Variants in MTOR observed in about 807,000 individuals in gnomAD.
The protein encoded by MTOR is serine/threonine-protein kinase mTOR.
In MTOR, 70 loss-of-function variants were observed where a neutral mutation model predicts 319.8. The ratio of observed to expected loss-of-function variants is 0.22; its 90% confidence interval spans 0.18 to 0.27. The LOEUF is 0.27. Among genes scored for constraint, MTOR ranks in the 10% least tolerant of loss-of-function variants. The pLI is 1.00. For missense variants in MTOR, 1,890 were observed against 3,274.4 expected, an observed-to-expected ratio of 0.58 and a Z score of 10.32; for synonymous variants, 1,183 against 1,211.4, an observed-to-expected ratio of 0.98 and a Z score of 0.49.
chr1:11,224,831 T>C (rs1646778598), intron 19 of MTOR, among the ~76,000 whole-genome samples: 1 of 152,128 alleles, frequency 6.6e-6, no homozygotes, highest in African/African-American at 2.4e-5. Flanking sequence ...CACTGGAAAA[T>C]ATTTCTGGAC....
chr1:11,181,572 A>C (rs1214259186), intron 28 of MTOR, among the ~76,000 whole-genome samples: 1 of 152,122 alleles, frequency 6.6e-6, no homozygotes, highest in Non-Finnish European at 1.5e-5. Context: ...GGTTGAAACA[A>C]AGGATCTCAA....
intron 28 of MTOR, among the ~76,000 whole-genome samples, chr1:11,169,670 T>C (rs548037102): frequency 6.6e-6 from 1 of 152,390 alleles, no homozygotes. Flanking sequence ...AGCTGTGTGA[T>C]CATAAATAAG....
At chr1:11,229,536 T>TCATA (rs1468298874) in intron 18 of MTOR, among the ~76,000 whole-genome samples, 1 of 152,224 alleles carries the variant, frequency 6.6e-6, no homozygotes, top group African/African-American at 2.4e-5. Flanking sequence ...GCTCAGGCCC[T>TCATA]GCTCTCAACA....
At chr1:11,167,894 C>T (rs1217867383) in intron 28 of MTOR, among the ~76,000 whole-genome samples, 1 of 152,030 alleles carries the variant, frequency 6.6e-6, no homozygotes, top group Non-Finnish European at 1.5e-5. Flanking sequence ...AAGGTGAAAC[C>T]CTGTCTCTAC....
At chr1:11,165,416 G>A (rs1644611829) in intron 29 of MTOR, among the ~76,000 whole-genome samples, 2 of 152,258 alleles carry the variant, frequency 1.3e-5, no homozygotes, top group South Asian at 2.1e-4. Flanking sequence ...CAAAATCAAT[G>A]TGCAAAAATC....
At chr1:11,144,384 C>T in intron 34 of MTOR, 1 of 392,976 alleles carries the variant, frequency 2.5e-6, no homozygotes, top group Admixed American at 3.6e-5. Context: ...ACTGACTGGT[C>T]ACAGGTGTCA....
At chr1:11,200,453 A>G (rs1645924377) in intron 26 of MTOR, among the ~76,000 whole-genome samples, 1 of 152,238 alleles carries the variant, frequency 6.6e-6, no homozygotes, top group African/African-American at 2.4e-5. Context: ...ACATTACCAC[A>G]GTACCACATG....
intron 47 of MTOR, among the ~76,000 whole-genome samples, chr1:11,123,737 G>A (rs917464483): frequency 2.6e-5 from 4 of 152,100 alleles, no homozygotes; most frequent in African/African-American, 7.2e-5. Context: ...CCAAAGTGTC[G>A]GGATTACATG....
At chr1:11,126,403 G>A (rs1235141425) in intron 46 of MTOR, among the ~76,000 whole-genome samples, 4 of 152,100 alleles carry the variant, frequency 2.6e-5, no homozygotes, top group Non-Finnish European at 5.9e-5. Context: ...CTTTATGTGT[G>A]ATCATGCTTC....
intron 19 of MTOR, among the ~76,000 whole-genome samples, chr1:11,220,540 G>A (rs539563267): frequency 1.3e-5 from 2 of 152,320 alleles, no homozygotes; most frequent in South Asian, 4.1e-4. Flanking sequence ...TAATATGGAA[G>A]ACAGGGTGAT....
At chr1:11,214,904 C>T (rs1646421992) in intron 20 of MTOR, among the ~76,000 whole-genome samples, 1 of 152,306 alleles carries the variant, frequency 6.6e-6, no homozygotes, top group Middle Eastern at 3.4e-3. Flanking sequence ...CTCACAGGGG[C>T]TTCTCTACCT....
chr1:11,130,277 T>C (rs575404665), intron 39 of MTOR, among the ~76,000 whole-genome samples: 230 of 152,338 alleles, frequency 1.5e-3, no homozygotes, highest in Non-Finnish European at 2.6e-3. Flanking sequence ...ACGTAGAGAA[T>C]GAGCTCGTCC....
chr1:11,256,124 A>G lies in MTOR; in HGVS notation c.573T>C (p.Phe191=), dbSNP rs1308965407. 6.2e-7 allele frequency: 1 copy of G among 1,614,050 alleles called. No individual in the cohort carries two copies. The highest frequency in any genetic ancestry group is 8.5e-7 in the Non-Finnish European group (1 of 1,180,038). ...CCCACACGGCCACAAAAATGTTGTC[A>G]AAGAAGGGTTGCACTTGCTGGAAGA... ...TFFFQQVQPF[F]DNIFVAVWDP... Residue 191 remains phenylalanine (F), a synonymous_variant, in exon 5 of 58, where the codon TTT becomes TTC. Transcript: ENST00000361445.
At chr1:11,255,825 C>G (rs1442021738) in intron 5 of MTOR, among the ~76,000 whole-genome samples, 167 bp downstream of exon 5, 1 of 134,524 alleles carries the variant, frequency 7.4e-6, no homozygotes, top group Admixed American at 9.2e-5. Context: ...CCAGCCTGGG[C>G]GACAAAGCAA....
At chr1:11,146,549 A>G in intron 32 of MTOR, 127 bp downstream of exon 32, 1 of 705,128 alleles carries the variant, frequency 1.4e-6, no homozygotes, top group Non-Finnish European at 2.5e-6. Context: ...AAACCATTCA[A>G]ATGTACTCAC....
At chr1:11,217,618 A>G (rs1646515051) in intron 19 of MTOR, among the ~76,000 whole-genome samples, 2 of 146,244 alleles carry the variant, frequency 1.4e-5, no homozygotes, top group South Asian at 4.3e-4. Context: ...TCACCGTGTT[A>G]GCCAGGATGG....
chr1:11,113,986 C>T (rs1347729770), intron 53 of MTOR, among the ~76,000 whole-genome samples: 3 of 152,114 alleles, frequency 2.0e-5, no homozygotes, highest in Non-Finnish European at 4.4e-5. Context: ...GTACTTCTCT[C>T]TTCTGCCCCC....
Position 11,130,748 on chromosome 1 carries a change from G to C in MTOR, c.5394C>G (p.Phe1798Leu), listed in dbSNP as rs1421696742. The change falls in exon 39 of 58, where the codon TTC becomes TTG. Residue 1798 changes from phenylalanine (F) to leucine (L), a missense_variant. Transcript: ENST00000361445. ...GATGTTTGTAGTGTAGCACAGCTTC[G>C]AAGTTCATCACTGCCCACGCATGCC... Reference protein sequence around the residue: ...KAWHAWAVMNFEAVLHYKHQN... With the variant: ...KAWHAWAVMNLEAVLHYKHQN... 6.3e-7 allele frequency: 1 copy of C among 1,580,394 alleles called. No individual in the cohort carries two copies. The highest frequency in any genetic ancestry group is 2.3e-5 in the East Asian group (1 of 43,770).
At position 11,247,886 on chromosome 1, in the gene MTOR, C is replaced by T; in HGVS notation, c.1049G>A (p.Ser350Asn). 6.2e-7 allele frequency: 1 copy of T among 1,614,180 alleles called. No homozygotes were observed. Among genetic ancestry groups the T allele is most frequent in the Non-Finnish European group, 8.5e-7 (1 of 1,180,034 alleles). The change falls in exon 7 of 58, where the codon AGT becomes AAT. Residue 350 changes from serine (S) to asparagine (N), a missense_variant. Coordinates refer to ENST00000361445, the MANE Select transcript of MTOR (RefSeq NM_004958.4). Reference sequence around the variant, plus strand: ...CTCCACCAGGGTGGACTTAGCTGGACTGGGGGAGGTCCCAAATCCCATGAG... The same window carrying T: ...CTCCACCAGGGTGGACTTAGCTGGATTGGGGGAGGTCCCAAATCCCATGAG... ...QGLMGFGTSP[S>N]PAKSTLVESR...
Sources: allele counts gnomAD v4.1 joint callset (sites outside exome capture counted in the v4.1 genomes callset), GRCh38; gene constraint gnomAD v4.1.1; transcripts MANE v1.5; gene names NCBI Gene and HGNC (gene_info 2026-07-23, HGNC 2026-07-21).